DCAF5: variants seen among roughly 807,000 people sequenced by gnomAD.
DCAF5 encodes the protein DDB1 and CUL4 associated factor 5, also known as DDB1- and CUL4-associated factor 5.
DCAF5 carries 9 observed loss-of-function variants against 80.7 expected under a neutral mutation model. The ratio of observed to expected loss-of-function variants is 0.11; its 90% CI spans 0.07 to 0.19. The LOEUF is 0.19. Ranked by LOEUF, DCAF5 falls within the 10% of genes least tolerant of loss-of-function variation. The pLI is 1.00. For missense variants in DCAF5, 842 were observed against 1,205.7 expected (o/e 0.70, Z 4.47); for synonymous variants, 433 against 461.9 (o/e 0.94, Z 0.80).
At chr14:69,069,263 G>A (rs996857496) in intron 7 of DCAF5, among the ~76,000 whole-genome samples, 3 of 152,078 alleles carry the variant, frequency 2.0e-5, no homozygotes, top group South Asian at 2.1e-4. Flanking sequence ...ACAGTGACTC[G>A]GCAGTAAAAA....
intron 5 of DCAF5, among the ~76,000 whole-genome samples, chr14:69,107,271 A>G (rs923206976): frequency 1.3e-5 from 2 of 152,194 alleles, no homozygotes; most frequent in Non-Finnish European, 2.9e-5. Context: ...GAATGGACGC[A>G]AGCAATCTCT....
chr14:69,077,437 G>A (rs2038944135), intron 6 of DCAF5, among the ~76,000 whole-genome samples: 1 of 151,290 alleles, frequency 6.6e-6, no homozygotes, highest in Non-Finnish European at 1.5e-5. Flanking sequence ...AGGCTGGAGT[G>A]CAGTGGCACA....
chr14:69,111,534 T>C (rs970858404), intron 5 of DCAF5, among the ~76,000 whole-genome samples: 2 of 151,958 alleles, frequency 1.3e-5, no homozygotes, highest in African/African-American at 4.8e-5. Flanking sequence ...AATAAAGAGA[T>C]TGGAAGGGAG....
intron 1 of DCAF5, among the ~76,000 whole-genome samples, chr14:69,144,368 C>T (rs1361090583): frequency 1.3e-5 from 2 of 152,010 alleles, no homozygotes; most frequent in African/African-American, 2.4e-5. Context: ...GTCGGGACAT[C>T]GAGACCATCC....
intron 5 of DCAF5, among the ~76,000 whole-genome samples, chr14:69,114,059 C>T (rs1394143873): frequency 2.0e-5 from 3 of 152,080 alleles, no homozygotes; most frequent in African/African-American, 7.3e-5. Context: ...ATCATTTTTC[C>T]CCCATAATAC....
intron 7 of DCAF5, among the ~76,000 whole-genome samples, chr14:69,074,478 T>C (rs75199538): frequency 1.3e-5 from 2 of 152,204 alleles, no homozygotes; most frequent in African/African-American, 4.8e-5. Context: ...ATAGCTTAAA[T>C]ACAAATTTAT....
chr14:69,119,704 CAAA>C (rs33936553), intron 2 of DCAF5, among the ~76,000 whole-genome samples: 58 of 139,958 alleles, frequency 4.1e-4, no homozygotes, highest in Admixed American at 9.8e-4. Context: ...GAGACTGTCT[CAAA>C]AAAAAAAAAA....
At chr14:69,105,913 TCATATATA>T (rs2040122898) in intron 5 of DCAF5, among the ~76,000 whole-genome samples, 1 of 18,646 alleles carries the variant, frequency 5.4e-5, no homozygotes, top group Non-Finnish European at 1.8e-4. Flanking sequence ...TAATAAACTG[TCATATATA>T]TATATATATA....
intron 6 of DCAF5, chr14:69,089,810 T>C (rs1566744227): frequency 1.9e-6 from 1 of 518,522 alleles, no homozygotes; most frequent in Non-Finnish European, 2.5e-6. Flanking sequence ...TAGGATGATA[T>C]TACCGGCTTC....
intron 6 of DCAF5, chr14:69,084,960 C>A: frequency 7.0e-7 from 1 of 1,420,228 alleles, no homozygotes; most frequent in Non-Finnish European, 9.9e-7. Flanking sequence ...GCATGCCTTG[C>A]TCATTTTGCA....
intron 1 of DCAF5, among the ~76,000 whole-genome samples, chr14:69,122,856 C>T (rs2040764548): frequency 7.4e-6 from 1 of 134,730 alleles, no homozygotes; most frequent in Non-Finnish European, 1.6e-5. Context: ...ACTAAGAAAT[C>T]ACCTGACTCT....
At chr14:69,074,870 C>T (rs2038839881) in intron 7 of DCAF5, among the ~76,000 whole-genome samples, 1 of 151,966 alleles carries the variant, frequency 6.6e-6, no homozygotes, top group African/African-American at 2.4e-5. Flanking sequence ...CCTGTTTCTA[C>T]TAAAAATACA....
At chr14:69,149,146 A>T (rs2041630530) in intron 1 of DCAF5, among the ~76,000 whole-genome samples, 1 of 152,254 alleles carries the variant, frequency 6.6e-6, no homozygotes, top group African/African-American at 2.4e-5. Context: ...CATAGTTCTC[A>T]CAACAAGCCC....
chr14:69,115,065 T>C (rs370763723), intron 5 of DCAF5, among the ~76,000 whole-genome samples: 2 of 152,276 alleles, frequency 1.3e-5, no homozygotes, highest in East Asian at 3.9e-4. Flanking sequence ...CCTTTTGTAA[T>C]ACGGATGAGG....
intron 1 of DCAF5, among the ~76,000 whole-genome samples, chr14:69,136,131 T>TTG (rs1405251825): frequency 1.3e-5 from 2 of 151,184 alleles, no homozygotes; most frequent in East Asian, 1.9e-4. Flanking sequence ...TTTTTTTTTT[T>TTG]TGGATACAGG....
At chr14:69,149,141 T>C (rs1370314096) in intron 1 of DCAF5, among the ~76,000 whole-genome samples, 3 of 152,192 alleles carry the variant, frequency 2.0e-5, no homozygotes, top group African/African-American at 7.2e-5. Context: ...ACTAACATAG[T>C]TCTCACAACA....
chr14:69,121,927 G>A (rs1319067569), intron 2 of DCAF5, among the ~76,000 whole-genome samples: 2 of 152,156 alleles, frequency 1.3e-5, no homozygotes, highest in African/African-American at 4.8e-5. Flanking sequence ...TCAAATATGT[G>A]TGTGTGTCTG....
At position 69,053,801 on chromosome 14, in the gene DCAF5, A is replaced by G; in HGVS notation, c.*56T>C. The G allele has an allele frequency of 7.9e-7, 1 of 1,259,130 alleles. No individual in the cohort carries two copies. The highest frequency in any genetic ancestry group is 1.1e-6 in the Non-Finnish European group (1 of 941,262). The allele number at this position is 1,259,130 out of a possible 1,614,324, so 78.0% of individuals were successfully genotyped here. On this transcript the variant is annotated 3_prime_UTR_variant, in exon 9 of 9. Coordinates refer to ENST00000341516, the MANE Select transcript of DCAF5 (RefSeq NM_003861.3). ...TCCTTTCCTCTGTATTCACTAAACA[A>G]TTTTTTTTTTTTTGTAAGGCTACTT...
intron 5 of DCAF5, among the ~76,000 whole-genome samples, chr14:69,094,017 TTATCTAAACAC>T (rs2039617764): frequency 6.6e-6 from 1 of 152,108 alleles, no homozygotes; most frequent in Non-Finnish European, 1.5e-5. Flanking sequence ...GCATGTGGTG[TTATCTAAACAC>T]TGAACTCAAA....
Sources: gnomAD v4.1 joint callset for allele counts (sites outside exome capture counted in the v4.1 genomes callset) on GRCh38, gnomAD v4.1.1 for gene constraint, MANE v1.5 for transcripts, NCBI Gene and HGNC (gene_info 2026-07-23, HGNC 2026-07-21) for gene names.